Variants in SNX32 observed in about 807,000 individuals in gnomAD.
SNX32 encodes sorting nexin 32.
In SNX32, 58 loss-of-function variants were observed where a neutral mutation model predicts 57.0. The ratio of observed to expected loss-of-function variants is 1.02; its 90% CI spans 0.82 to 1.27. The LOEUF is 1.27. Ranked by LOEUF, SNX32 falls within the 50% of genes most tolerant of loss-of-function variation. SNX32 has a pLI of 0.00. For missense variants in SNX32, 589 were observed against 541.2 expected (o/e 1.09, Z -0.88); for synonymous variants, 262 against 220.4 (o/e 1.19, Z -1.67).
At chr11:65,834,648 GTGTGTGTCTC>G (rs1858608748) in intron 1 of SNX32, among the ~76,000 whole-genome samples, 1 of 151,276 alleles carries the variant, frequency 6.6e-6, no homozygotes, top group Admixed American at 6.6e-5. Flanking sequence ...GTATGCATCT[GTGTGTGTCTC>G]TGTGTGTATC....
chr11:65,834,707 T>C (rs1434593387), intron 1 of SNX32, among the ~76,000 whole-genome samples: 1 of 151,772 alleles, frequency 6.6e-6, no homozygotes, highest in Non-Finnish European at 1.5e-5. Flanking sequence ...TCTGCGCAGG[T>C]CTGTGTCTCT....
intron 8 of SNX32, 30 bp downstream of exon 8, chr11:65,851,433 C>T: frequency 6.2e-7 from 1 of 1,610,428 alleles, no homozygotes. Context: ...CTACCCTCTC[C>T]CTGTGCCTGT....
At chr11:65,834,396 T>G (rs937650824) in intron 1 of SNX32, among the ~76,000 whole-genome samples, 1 of 151,244 alleles carries the variant, frequency 6.6e-6, no homozygotes, top group Admixed American at 6.6e-5. Flanking sequence ...TTTGTGTGTC[T>G]CTGTGTATCT....
rs772910016 is a variant in SNX32 at position 65,849,990 on chromosome 11, A to G, written c.212A>G (p.His71Arg). The G allele has an allele frequency of 3.1e-6, 5 of 1,612,560 alleles. No individual in the cohort carries two copies. In the South Asian group the frequency reaches 4.4e-5, roughly 14 times the overall value. The change falls in exon 3 of 13, where the codon CAT becomes CGT. Residue 71 changes from histidine (H) to arginine (R), a missense_variant. Coordinates refer to ENST00000308342, the MANE Select transcript of SNX32 (RefSeq NM_152760.3). ...VRQHEEFIWL[H>R]DAYVENEEYA... ...CAGCACGAGGAGTTCATCTGGCTGC[A>G]TGATGCCTACGTGGAGAATGAGGAG...
intron 1 of SNX32, among the ~76,000 whole-genome samples, chr11:65,838,977 T>C (rs1858744860): frequency 6.6e-6 from 1 of 151,834 alleles, no homozygotes; most frequent in East Asian, 1.9e-4. Flanking sequence ...GGGAGATTTA[T>C]ACCACCACAT....
chr11:65,842,374 C>G (rs966758624), intron 1 of SNX32, among the ~76,000 whole-genome samples: 5 of 152,188 alleles, frequency 3.3e-5, no homozygotes, highest in African/African-American at 9.7e-5. Context: ...AATCACCGGG[C>G]GTGGTGGATC....
chr11:65,852,378 G>A (rs1013982708), intron 9 of SNX32, 87 bp from the exon 10 acceptor site: 12 of 1,196,172 alleles, frequency 1.0e-5, no homozygotes, highest in Admixed American at 1.7e-5. Flanking sequence ...AGGCTTCTTT[G>A]CTGGATATTT....
In SNX32 at chr11:65,852,762, G is replaced by A. The variant is rs781557193; in HGVS notation, c.1045G>A (p.Glu349Lys). ...SHQQLCCQRFERLSDSAKQEL... is the reference protein window; with the variant it reads ...SHQQLCCQRFKRLSDSAKQEL... ...CCAGCAGCTGTGCTGCCAACGCTTCGAGCGCCTCTCCGACTCCGCCAAGCA... is the reference window on the plus strand; with the variant it reads ...CCAGCAGCTGTGCTGCCAACGCTTCAAGCGCCTCTCCGACTCCGCCAAGCA... The change falls in exon 11 of 13, where the codon GAG (glutamate) becomes AAG (lysine). Residue 349 changes from glutamate to lysine, a missense_variant. Physicochemically the swap from Glu to Lys is moderately conservative, Grantham distance 56. Coordinates refer to ENST00000308342, the MANE Select transcript of SNX32 (RefSeq NM_152760.3). 5.0e-6 allele frequency: 8 copies of A among 1,609,000 alleles called. No homozygotes were observed. The Admixed American group carries it at 5.0e-5, about 10-fold the overall frequency.
In SNX32 at chr11:65,834,112, G is replaced by A; in HGVS notation, c.36+11G>A. 3 of 1,551,154 alleles carry A rather than the reference G, an allele frequency of 1.9e-6. 1 individual carries two copies. The South Asian group carries it at 3.6e-5, about 18-fold the overall frequency. On this transcript the variant is annotated intron_variant, in intron 1 of 12. Coordinates refer to ENST00000308342, the MANE Select transcript of SNX32 (RefSeq NM_152760.3). ...GGGAAGGAGGGCAAGGTAGAGAAAG[G>A]ATGAAGACCCCCACCCCAGCCTCCC...
chr11:65,844,767 G>C (rs7123923), intron 1 of SNX32, among the ~76,000 whole-genome samples: 3,554 of 151,608 alleles, frequency 0.023, 152 homozygotes, highest in African/African-American at 0.081. Context: ...AGGAGTTCAA[G>C]AGCAGCCTGG....
At position 65,852,754 on chromosome 11, in the gene SNX32, A is replaced by G; in HGVS notation, c.1037A>G (p.Gln346Arg). The part of the protein sequence containing the change: ...PAESHQQLCC[Q>R]RFERLSDSAK... ...GAGAGCCACCAGCAGCTGTGCTGCC[A>G]ACGCTTCGAGCGCCTCTCCGACTCC... is the stretch of plus-strand genomic sequence containing the variant. Residue 346 changes from glutamine to arginine, a missense_variant, in exon 11 of 13, where the codon CAA becomes CGA. Gln to Arg is a conservative substitution (Grantham distance 43). Transcript: ENST00000308342. 6.2e-7 allele frequency: 1 copy of G among 1,608,096 alleles called. No homozygotes were observed. The highest frequency in any genetic ancestry group is 8.5e-7 in the Non-Finnish European group (1 of 1,178,770).
At chr11:65,844,543 G>T (rs183636604) in intron 1 of SNX32, among the ~76,000 whole-genome samples, 12 of 152,290 alleles carry the variant, frequency 7.9e-5, no homozygotes, top group Admixed American at 7.9e-4. Context: ...GCTGCTGGGA[G>T]TGTACATTGG....
chr11:65,838,089 G>C (rs1858720892), intron 1 of SNX32, among the ~76,000 whole-genome samples: 1 of 152,046 alleles, frequency 6.6e-6, no homozygotes, highest in South Asian at 2.1e-4. Context: ...CTGGGAGGCG[G>C]AGGTTGCAGT....
chr11:65,834,123 C>T (rs1382383604), intron 1 of SNX32, 22 bp downstream of exon 1: 43 of 1,550,190 alleles, frequency 2.8e-5, no homozygotes, highest in Non-Finnish European at 3.5e-5. Context: ...ATGAAGACCC[C>T]CACCCCAGCC....
chr11:65,852,684 G>GC lies in SNX32; in HGVS notation c.968dup (p.Leu324AlafsTer53). The GC allele has an allele frequency of 6.3e-7, 1 of 1,597,394 alleles. No individual in the cohort carries two copies. The highest frequency in any genetic ancestry group is 8.5e-7 in the Non-Finnish European group (1 of 1,174,980). Reference sequence around the variant, plus strand: ...GGCCGACTACGAGAATGCCAACAAGGCGCTGGACAAGGCGCGCACCAGGAA... The same window carrying GC: ...GGCCGACTACGAGAATGCCAACAAGGCCGCTGGACAAGGCGCGCACCAGGAA... On this transcript the variant is annotated frameshift_variant, in exon 11 of 13. Coordinates refer to ENST00000308342, the MANE Select transcript of SNX32 (RefSeq NM_152760.3). LOFTEE classifies it high-confidence loss of function.
In SNX32 at chr11:65,850,788, G is replaced by T; in HGVS notation, c.536G>T (p.Gly179Val). ...VRGKNRKELL[G>V]GFLRNIVKSA... is the part of the protein sequence containing the mutation. ...GGGAAGAACAGGAAGGAGCTCCTCG[G>T]AGGGTTTCTGAGGAATATTGTGAAG... Residue 179 changes from glycine to valine, a missense_variant, in exon 6 of 13, where the codon GGA becomes GTA. Coordinates refer to ENST00000308342, the MANE Select transcript of SNX32 (RefSeq NM_152760.3). 1 of 1,614,130 alleles carries T rather than the reference G, an allele frequency of 6.2e-7. No homozygotes were observed. The highest frequency in any genetic ancestry group is 1.7e-5 in the Admixed American group (1 of 60,026).
chr11:65,842,139 TAATCA>T (rs1475006074), intron 1 of SNX32, among the ~76,000 whole-genome samples: 1 of 152,192 alleles, frequency 6.6e-6, no homozygotes, highest in Non-Finnish European at 1.5e-5. Flanking sequence ...CAAGTTACAG[TAATCA>T]AGACAGTAAG....
intron 9 of SNX32, 116 bp from the exon 10 acceptor site, chr11:65,852,349 G>C: frequency 1.1e-6 from 1 of 915,536 alleles, no homozygotes; most frequent in South Asian, 1.4e-5. Context: ...CACCAGACCT[G>C]ACCTGGAACA....
In SNX32 at chr11:65,852,800, A is replaced by G; in HGVS notation, c.1072+11A>G. On this transcript the variant is annotated intron_variant, in intron 11 of 12. Transcript: ENST00000308342. ...ACTCCGCCAAGCAAGGTGAGCCCGC[A>G]GCCCCCAGCCCCAGCCTGGGGCCAC... 3 of 1,608,870 alleles carry G rather than the reference A, an allele frequency of 1.9e-6. No homozygotes were observed. Among genetic ancestry groups the G allele is most frequent in the Non-Finnish European group, 8.5e-7 (1 of 1,176,882 alleles).
Sources: gnomAD v4.1 joint callset for allele counts (sites outside exome capture counted in the v4.1 genomes callset) on GRCh38, gnomAD v4.1.1 for gene constraint, MANE v1.5 for transcripts, NCBI Gene and HGNC (gene_info 2026-07-23, HGNC 2026-07-21) for gene names.